Variants in PPP1R3A observed in about 807,000 individuals in gnomAD.
PPP1R3A encodes the protein RG1.
A neutral mutation model predicts 41.7 loss-of-function variants in PPP1R3A; 29 were observed. That is an observed-to-expected ratio of 0.70 (90% CI 0.52 to 0.95). The LOEUF (loss-of-function observed/expected upper bound fraction) is 0.95. Among genes scored for constraint, PPP1R3A ranks in the 40% least tolerant of loss-of-function variants. The pLI, the probability that PPP1R3A is intolerant of heterozygous loss-of-function variation, is 0.00. For missense variants in PPP1R3A, 1,352 were observed against 1,292.4 expected (o/e 1.05, Z -0.71); for synonymous variants, 485 against 453.4 (o/e 1.07, Z -0.89).
chr7:113,885,618 C>G (rs1269448746), intron 1 of PPP1R3A, among the ~76,000 whole-genome samples: 1 of 151,568 alleles, frequency 6.6e-6, no homozygotes, highest in African/African-American at 2.4e-5. Context: ...AGAATAGATA[C>G]AAAACTATTA....
chr7:113,878,004 C>T lies in PPP1R3A; in HGVS notation c.3088G>A (p.Gly1030Arg), dbSNP rs1796601712. ...AGTGATTGCCCAGAGCTTACTAATCCTTCATTTTCATGCCTTGCTTCTTCC... is the reference window on the plus strand; with the variant it reads ...AGTGATTGCCCAGAGCTTACTAATCTTTCATTTTCATGCCTTGCTTCTTCC... ...NMEEARHENE[G>R]LVSSGQSLYT... The change falls in exon 4 of 4, where the codon GGA (glycine) becomes AGA (arginine). Residue 1030 changes from glycine to arginine, a missense_variant. Gly to Arg is a moderately radical substitution (Grantham distance 125, BLOSUM62 -2). Coordinates refer to ENST00000284601, the MANE Select transcript of PPP1R3A (RefSeq NM_002711.4). The T allele has an allele frequency of 6.2e-7, 1 of 1,613,166 alleles. No individual in the cohort carries two copies. Among genetic ancestry groups the T allele is most frequent in the Admixed American group, 1.7e-5 (1 of 59,896 alleles).
intron 1 of PPP1R3A, among the ~76,000 whole-genome samples, chr7:113,898,696 A>T (rs1797015080): frequency 6.6e-6 from 1 of 151,726 alleles, no homozygotes; most frequent in Admixed American, 6.6e-5. Flanking sequence ...AAATACTAAC[A>T]TCTTTTCTAA....
Position 113,891,836 on chromosome 7 carries a change from C to T in PPP1R3A, c.783-9516G>A, listed in dbSNP as rs536615878. ...AAAACCCCATATGTCTCTTAAAAAA[C>T]GAGCAAAACCTCTTAAAGATCTATG... On this transcript the variant is annotated intron_variant, in intron 1 of 3. Transcript: ENST00000284601. Among the ~76,000 whole-genome samples, 18 of 152,060 alleles carry T rather than the reference C, an allele frequency of 1.2e-4. 1 individual carries two copies. The South Asian group carries it at 2.9e-3, about 25-fold the overall frequency.
In PPP1R3A at chr7:113,914,809, G is replaced by T. The variant is rs538235722; in HGVS notation, c.782+3406C>A. On this transcript the variant is annotated intron_variant, in intron 1 of 3. Coordinates refer to ENST00000284601, the MANE Select transcript of PPP1R3A (RefSeq NM_002711.4). ...CATACCAGAAAAACAAGCTTAACTT[G>T]CCCAAGTTCATATTGCTAGCATGTA... is the stretch of plus-strand genomic sequence containing the variant. Among the ~76,000 whole-genome samples the T allele has an allele frequency of 1.1e-4, 16 of 152,130 alleles. No individual in the cohort carries two copies. In the South Asian group the frequency reaches 3.3e-3, roughly 32 times the overall value.
chr7:113,907,951 C>T (rs1250346404), intron 1 of PPP1R3A, among the ~76,000 whole-genome samples: 1 of 151,758 alleles, frequency 6.6e-6, no homozygotes, highest in Non-Finnish European at 1.5e-5. Context: ...CAAACAGCAA[C>T]TTTTTATTTA....
At chr7:113,899,414 G>T (rs1797028697) in intron 1 of PPP1R3A, among the ~76,000 whole-genome samples, 1 of 151,732 alleles carries the variant, frequency 6.6e-6, no homozygotes, top group Non-Finnish European at 1.5e-5. Context: ...AGGGAGCAAA[G>T]TATCTTTAAT....
intron 3 of PPP1R3A, among the ~76,000 whole-genome samples, chr7:113,881,160 G>A (rs1234529732): frequency 6.6e-6 from 1 of 151,990 alleles, no homozygotes; most frequent in Non-Finnish European, 1.5e-5. Context: ...CTTAAAGTTG[G>A]AGCAAAGTAA....
At chr7:113,904,149 T>A (rs964094065) in intron 1 of PPP1R3A, among the ~76,000 whole-genome samples, 1 of 151,784 alleles carries the variant, frequency 6.6e-6, no homozygotes, top group Non-Finnish European at 1.5e-5. Context: ...TGCTTAGAGA[T>A]AGAAGTTACC....
intron 1 of PPP1R3A, among the ~76,000 whole-genome samples, chr7:113,916,626 C>T (rs955675350): frequency 2.6e-5 from 4 of 152,016 alleles, no homozygotes; most frequent in African/African-American, 4.8e-5. Context: ...AATAATGCTG[C>T]GCCTTTTCTA....
At position 113,878,451 on chromosome 7, in the gene PPP1R3A, C is replaced by G; in HGVS notation, c.2641G>C (p.Asp881His). ...TDKTVFSENR[D>H]LRQVQELSKK... ...GATAATTCTTGAACCTGCCTAAGAT[C>G]TCTGTTTTCTGAAAATACAGTTTTG... The change falls in exon 4 of 4, where the codon GAT (aspartate) becomes CAT (histidine). Residue 881 changes from aspartate (D) to histidine (H), a missense_variant. Transcript: ENST00000284601. The G allele has an allele frequency of 6.2e-7, 1 of 1,612,570 alleles. No homozygotes were observed. Among genetic ancestry groups the G allele is most frequent in the Non-Finnish European group, 8.5e-7 (1 of 1,179,652 alleles).
chr7:113,901,706 C>T (rs1025046840), intron 1 of PPP1R3A, among the ~76,000 whole-genome samples: 2 of 151,666 alleles, frequency 1.3e-5, no homozygotes, highest in Non-Finnish European at 2.9e-5. Context: ...GGTAAGGGGT[C>T]GTGTGGCAGG....
Position 113,918,826 on chromosome 7 carries a change from T to TG in PPP1R3A, c.170dup (p.Ser58IlefsTer5). ...ATGAAACTCTTCTAGTACCTGAAGA[T>TG]GGGGTATCCAGGTATATGTCTTCAG... is the stretch of plus-strand genomic sequence containing the variant. On this transcript the variant is annotated frameshift_variant, in exon 1 of 4. Coordinates refer to ENST00000284601, the MANE Select transcript of PPP1R3A (RefSeq NM_002711.4). LOFTEE classifies it high-confidence loss of function. 1.2e-6 allele frequency: 2 copies of TG among 1,613,734 alleles called. No individual in the cohort carries two copies. Among genetic ancestry groups the TG allele is most frequent in the Non-Finnish European group, 8.5e-7 (1 of 1,179,694 alleles).
rs200291441 is a variant in PPP1R3A, at chr7:113,878,934, C to T, written c.2158G>A (p.Gly720Ser). 2 of 1,613,074 alleles carry T rather than the reference C, an allele frequency of 1.2e-6. No homozygotes were observed. Among genetic ancestry groups the T allele is most frequent in the East Asian group, 2.2e-5 (1 of 44,832 alleles). Reference protein sequence around the residue: ...CCELSSLADHGITEKAEAGTA... With the variant: ...CCELSSLADHSITEKAEAGTA... The stretch of plus-strand genomic sequence containing the variant: ...CCAGCTTCTGCTTTCTCAGTAATGC[C>T]ATGATCAGCTAGAGAAGACAGTTCA... The change falls in exon 4 of 4, where the codon GGC becomes AGC. Residue 720 changes from glycine (G) to serine (S), a missense_variant. By Grantham distance (56) the Gly-to-Ser change is moderately conservative. Coordinates refer to ENST00000284601, the MANE Select transcript of PPP1R3A (RefSeq NM_002711.4).
intron 1 of PPP1R3A, among the ~76,000 whole-genome samples, chr7:113,907,575 A>G (rs1797167559): frequency 6.6e-6 from 1 of 151,822 alleles, no homozygotes; most frequent in Non-Finnish European, 1.5e-5. Context: ...TATGGCCAGC[A>G]AGATGTAGTT....
chr7:113,899,721 C>T (rs1331432661), intron 1 of PPP1R3A, among the ~76,000 whole-genome samples: 1 of 151,746 alleles, frequency 6.6e-6, no homozygotes, highest in South Asian at 2.1e-4. Flanking sequence ...TGCAACCACC[C>T]CAGACCAATT....
At chr7:113,890,047 A>T (rs1185355638) in intron 1 of PPP1R3A, among the ~76,000 whole-genome samples, 10 of 151,836 alleles carry the variant, frequency 6.6e-5, no homozygotes, top group Admixed American at 6.6e-4. Context: ...AGCAATTCCA[A>T]GCTTAAGGCA....
Position 113,918,586 on chromosome 7 carries a change from A to G in PPP1R3A, c.411T>C (p.Leu137=). 2.5e-6 allele frequency: 4 copies of G among 1,613,538 alleles called. No homozygotes were observed. Among genetic ancestry groups the G allele is most frequent in the Non-Finnish European group, 3.4e-6 (4 of 1,179,670 alleles). The change falls in exon 1 of 4, where the codon CTT becomes CTC. Residue 137 remains leucine, a synonymous_variant. Transcript: ENST00000284601. The part of the protein sequence containing the change: ...KAILESTESL[L]GSTSIKGIIR... ...TAATACCCTTGATACTTGTAGACCC[A>G]AGAAGAGACTCAGTTGACTCCAGTA...
intron 1 of PPP1R3A, among the ~76,000 whole-genome samples, chr7:113,889,723 A>G (rs1172945139): frequency 2.0e-5 from 3 of 152,318 alleles, no homozygotes; most frequent in East Asian, 3.9e-4. Flanking sequence ...GGCAATAGTT[A>G]CACTTGTAAA....
At chr7:113,882,376 A>G (rs545049340) in intron 1 of PPP1R3A, 56 bp from the exon 2 acceptor site, 3 of 1,045,534 alleles carry the variant, frequency 2.9e-6, no homozygotes, top group Non-Finnish European at 4.4e-6. Flanking sequence ...TCTTCTAAGT[A>G]TTTTTACACA....
Sources: allele counts gnomAD v4.1 joint callset (sites outside exome capture counted in the v4.1 genomes callset), GRCh38; gene constraint gnomAD v4.1.1; transcripts MANE v1.5; gene names NCBI Gene and HGNC (gene_info 2026-07-23, HGNC 2026-07-21).